PKNOX2: variants seen among roughly 807,000 people sequenced by gnomAD.
PKNOX2 encodes the protein PBX/knotted 1 homeobox 2.
PKNOX2 carries 14 observed loss-of-function variants against 53.1 expected under a neutral mutation model. The ratio of observed to expected loss-of-function variants is 0.26; its 90% CI spans 0.17 to 0.41. PKNOX2 has a LOEUF of 0.41. Ranked by LOEUF, PKNOX2 falls within the 10% of genes least tolerant of loss-of-function variation. The pLI is 1.00. For synonymous variants in PKNOX2, 257 were observed against 242.8 expected (o/e 1.06, Z -0.54); for missense variants, 496 against 602.8 (o/e 0.82, Z 1.85).
At chr11:125,430,182 G>A (rs746846400) in intron 12 of PKNOX2, 41 bp downstream of exon 12, 1 of 1,596,494 alleles carries the variant, frequency 6.3e-7, no homozygotes, top group South Asian at 1.1e-5. Context: ...AAGGGCTGGG[G>A]GTGCTCCTGG....
chr11:125,312,608 C>T (rs942188832), intron 2 of PKNOX2, among the ~76,000 whole-genome samples: 2 of 152,118 alleles, frequency 1.3e-5, no homozygotes, highest in Non-Finnish European at 2.9e-5. Context: ...CAAGGGCAGA[C>T]CCACCGCACC....
intron 2 of PKNOX2, among the ~76,000 whole-genome samples, chr11:125,275,271 G>A (rs1393765002): frequency 6.6e-6 from 1 of 152,168 alleles, no homozygotes; most frequent in East Asian, 1.9e-4. Flanking sequence ...ACAGCCATGG[G>A]TAGATGGGAG....
intron 4 of PKNOX2, among the ~76,000 whole-genome samples, chr11:125,359,976 G>A (rs758779093): frequency 6.6e-5 from 10 of 152,008 alleles, no homozygotes; most frequent in Non-Finnish European, 1.2e-4. Flanking sequence ...TGCCCGCCTC[G>A]GCCTCCCAAA....
At chr11:125,255,000 A>G (rs1031112713) in intron 2 of PKNOX2, among the ~76,000 whole-genome samples, 7 of 152,210 alleles carry the variant, frequency 4.6e-5, no homozygotes, top group African/African-American at 1.2e-4. Context: ...GCATTGTGCT[A>G]GATATTGAGG....
At chr11:125,245,016 C>T (rs1488547007) in intron 2 of PKNOX2, among the ~76,000 whole-genome samples, 3 of 152,130 alleles carry the variant, frequency 2.0e-5, no homozygotes, top group African/African-American at 7.2e-5. Flanking sequence ...CCTGCAGAGG[C>T]AGGAGAAGTT....
At chr11:125,339,639 A>T (rs1950585452) in intron 3 of PKNOX2, among the ~76,000 whole-genome samples, 1 of 152,200 alleles carries the variant, frequency 6.6e-6, no homozygotes, top group African/African-American at 2.4e-5. Flanking sequence ...GGGCCCCAGC[A>T]GGGCCCCTCA....
intron 5 of PKNOX2, among the ~76,000 whole-genome samples, 171 bp from the exon 6 acceptor site, chr11:125,385,380 G>A (rs1014168079): frequency 1.3e-5 from 2 of 152,178 alleles, no homozygotes; most frequent in African/African-American, 4.8e-5. Flanking sequence ...TCCTTGCCAA[G>A]GCACAAAGTG....
At chr11:125,331,024 G>GCCAT (rs1950113529) in intron 2 of PKNOX2, among the ~76,000 whole-genome samples, 1 of 115,912 alleles carries the variant, frequency 8.6e-6, no homozygotes. Context: ...CCCCGACCCT[G>GCCAT]CCATCCTGGC....
At chr11:125,186,567 G>T (rs1591473558) in intron 1 of PKNOX2, among the ~76,000 whole-genome samples, 1 of 152,252 alleles carries the variant, frequency 6.6e-6, no homozygotes, top group East Asian at 1.9e-4. Context: ...TGGGAGGATA[G>T]ATTGAGCCCA....
At chr11:125,426,528 G>A (rs143094437) in intron 10 of PKNOX2, among the ~76,000 whole-genome samples, 12 of 152,142 alleles carry the variant, frequency 7.9e-5, no homozygotes, top group African/African-American at 2.4e-4. Context: ...ACAAGTCTGC[G>A]TCTCCTTATT....
intron 2 of PKNOX2, among the ~76,000 whole-genome samples, chr11:125,270,429 C>T (rs928746459): frequency 2.0e-5 from 3 of 152,142 alleles, no homozygotes; most frequent in Non-Finnish European, 2.9e-5. Flanking sequence ...GGGCTGAAGC[C>T]TTGGAGGTTT....
intron 2 of PKNOX2, among the ~76,000 whole-genome samples, chr11:125,315,328 A>AAAAAAAAAAAAAAACC (rs1201379428): frequency 6.9e-6 from 1 of 144,816 alleles, no homozygotes; most frequent in African/African-American, 2.7e-5. Flanking sequence ...AAAAAAAAAA[A>AAAAAAAAAAAAAAACC]CACCTCTCTC....
intron 2 of PKNOX2, among the ~76,000 whole-genome samples, chr11:125,316,154 A>G (rs1949174735): frequency 6.6e-6 from 1 of 152,126 alleles, no homozygotes; most frequent in African/African-American, 2.4e-5. Flanking sequence ...AATGAGACCC[A>G]CTGTGAACCC....
At chr11:125,307,031 G>A (rs887985712) in intron 2 of PKNOX2, among the ~76,000 whole-genome samples, 11 of 152,132 alleles carry the variant, frequency 7.2e-5, no homozygotes, top group African/African-American at 2.7e-4. Flanking sequence ...ACTCACCTCT[G>A]CTACAGCACT....
chr11:125,243,977 G>A (rs1362916268), intron 2 of PKNOX2, among the ~76,000 whole-genome samples: 1 of 152,180 alleles, frequency 6.6e-6, no homozygotes, highest in Admixed American at 6.5e-5. Flanking sequence ...GCCAGGGGAG[G>A]TACTGGGCTT....
intron 1 of PKNOX2, among the ~76,000 whole-genome samples, chr11:125,181,858 GT>G (rs1364564377): frequency 6.6e-6 from 1 of 152,186 alleles, no homozygotes; most frequent in Admixed American, 6.5e-5. Context: ...ATGGCTCAGT[GT>G]TTTTAAGGAA....
intron 4 of PKNOX2, among the ~76,000 whole-genome samples, chr11:125,355,846 A>G (rs1951578279): frequency 2.0e-5 from 3 of 152,220 alleles, no homozygotes; most frequent in South Asian, 4.2e-4. Flanking sequence ...CCTCTCATTC[A>G]TGTACTCTCA....
intron 8 of PKNOX2, 126 bp from the exon 9 acceptor site, chr11:125,410,653 C>A: frequency 1.4e-6 from 1 of 739,356 alleles, no homozygotes; most frequent in Non-Finnish European, 2.3e-6. Flanking sequence ...AAAGCCATAG[C>A]TCGCTACCCA....
At chr11:125,241,878 C>G (rs1943172118) in intron 2 of PKNOX2, among the ~76,000 whole-genome samples, 1 of 151,480 alleles carries the variant, frequency 6.6e-6, no homozygotes, top group African/African-American at 2.4e-5. Context: ...AACAAATGAA[C>G]AAAAAAAGAG....
Sources: allele counts gnomAD v4.1 joint callset (sites outside exome capture counted in the v4.1 genomes callset), GRCh38; gene constraint gnomAD v4.1.1; transcripts MANE v1.5; gene names NCBI Gene and HGNC (gene_info 2026-07-23, HGNC 2026-07-21).